Variants in SMAD3 observed in about 807,000 individuals in gnomAD.
SMAD3 encodes the protein MAD homolog 3.
A neutral mutation model predicts 51.8 loss-of-function variants in SMAD3; 12 were observed. The ratio of observed to expected loss-of-function variants is 0.23; its 90% CI spans 0.15 to 0.38. SMAD3 has a LOEUF of 0.38. Ranked by LOEUF, SMAD3 falls within the 10% of genes least tolerant of loss-of-function variation. The pLI, the probability that SMAD3 is intolerant of heterozygous loss-of-function variation, is 1.00. For missense variants in SMAD3, 294 were observed against 565.6 expected (o/e 0.52, Z 4.87); for synonymous variants, 238 against 227.7 (o/e 1.05, Z -0.41).
intron 4 of SMAD3, among the ~76,000 whole-genome samples, 173 bp from the exon 5 acceptor site, chr15:67,170,381 G>A (rs192946469): frequency 2.0e-4 from 30 of 152,310 alleles, no homozygotes; most frequent in African/African-American, 7.0e-4. Flanking sequence ...TTGGGGCCCA[G>A]GGAGGGAAAG....
At chr15:67,113,873 G>C (rs1404138850) in intron 1 of SMAD3, among the ~76,000 whole-genome samples, 1 of 152,198 alleles carries the variant, frequency 6.6e-6, no homozygotes, top group Non-Finnish European at 1.5e-5. Context: ...TCTCCCTGTA[G>C]TGCTTAGGAC....
chr15:67,107,385 C>T (rs976359728), intron 1 of SMAD3, among the ~76,000 whole-genome samples: 3 of 152,106 alleles, frequency 2.0e-5, no homozygotes, highest in Non-Finnish European at 2.9e-5. Flanking sequence ...CACATAAGCA[C>T]CCCACCCTTC....
chr15:67,087,417 G>A (rs1443478647), intron 1 of SMAD3, among the ~76,000 whole-genome samples: 1 of 152,136 alleles, frequency 6.6e-6, no homozygotes, highest in Non-Finnish European at 1.5e-5. Flanking sequence ...GTTTCAGTTG[G>A]AAACTCTTTT....
intron 6 of SMAD3, among the ~76,000 whole-genome samples, chr15:67,184,459 G>C (rs1963166627): frequency 6.6e-6 from 1 of 152,146 alleles, no homozygotes; most frequent in South Asian, 2.1e-4. Context: ...TAACTTGACT[G>C]AGGCCCATGC....
chr15:67,113,361 A>G (rs2140236613), intron 1 of SMAD3, among the ~76,000 whole-genome samples: 1 of 151,958 alleles, frequency 6.6e-6, no homozygotes, highest in African/African-American at 2.4e-5. Flanking sequence ...AAGTGCTGGG[A>G]TTACAGGCAT....
At chr15:67,181,145 C>T (rs1376386076) in intron 5 of SMAD3, 96 bp from the exon 6 acceptor site, 9 of 916,222 alleles carry the variant, frequency 9.8e-6, no homozygotes, top group African/African-American at 4.9e-5. Context: ...CTCTGAAATG[C>T]GGGGAAATGG....
chr15:67,166,192 G>A (rs1009530488), intron 3 of SMAD3: 13 of 1,012,496 alleles, frequency 1.3e-5, no homozygotes, highest in South Asian at 4.1e-5. Flanking sequence ...GGCGTCCCGC[G>A]GGTAAGTCAA....
At chr15:67,172,685 T>A (rs1962783574) in intron 5 of SMAD3, among the ~76,000 whole-genome samples, 1 of 152,216 alleles carries the variant, frequency 6.6e-6, no homozygotes, top group African/African-American at 2.4e-5. Context: ...GGGGAACACA[T>A]TGGTGAACTC....
In SMAD3 at chr15:67,142,327, T is replaced by G. The variant is rs1961852967; in HGVS notation, c.207-22568T>G. Among the ~76,000 whole-genome samples the G allele has an allele frequency of 2.0e-5, 3 of 151,988 alleles. No individual in the cohort carries two copies. The South Asian group carries it at 6.2e-4, about 32-fold the overall frequency. ...TGTGTGAACATTTACTGTACCTCCA[T>G]GGTTTGCGTGGAATTGTACTAGAAA... On this transcript the variant is annotated intron_variant, in intron 1 of 8. Transcript: ENST00000327367.
chr15:67,129,567 A>G (rs1961472664), intron 1 of SMAD3, among the ~76,000 whole-genome samples: 1 of 152,228 alleles, frequency 6.6e-6, no homozygotes, highest in Non-Finnish European at 1.5e-5. Context: ...GAAAAAACAC[A>G]GTGTCTATAG....
intron 1 of SMAD3, among the ~76,000 whole-genome samples, chr15:67,154,815 T>G (rs1962239898): frequency 6.6e-6 from 1 of 152,156 alleles, no homozygotes; most frequent in African/African-American, 2.4e-5. Context: ...GTCCCTTTTT[T>G]TAAAAAAAAA....
At chr15:67,127,546 T>C (rs1595915735) in intron 1 of SMAD3, among the ~76,000 whole-genome samples, 2 of 152,204 alleles carry the variant, frequency 1.3e-5, no homozygotes, top group Admixed American at 1.3e-4. Context: ...TCATCCTCTC[T>C]CCTTCACCCT....
intron 1 of SMAD3, chr15:67,138,251 A>G (rs1961719472): frequency 4.8e-6 from 3 of 621,266 alleles, no homozygotes; most frequent in South Asian, 1.9e-5. Flanking sequence ...TCAGGAAGCA[A>G]CTGTAGGAAA....
At chr15:67,096,640 C>CTT (rs532008867) in intron 1 of SMAD3, among the ~76,000 whole-genome samples, 1 of 144,860 alleles carries the variant, frequency 6.9e-6, no homozygotes, top group African/African-American at 2.5e-5. Context: ...ATGATTGATA[C>CTT]TTTTTTTTTT....
intron 1 of SMAD3, among the ~76,000 whole-genome samples, chr15:67,067,298 C>G (rs1274201800): frequency 6.6e-6 from 1 of 152,196 alleles, no homozygotes. Flanking sequence ...CGGGAGCCCA[C>G]AGATGGCTGA....
At chr15:67,161,795 G>C (rs1962438700) in intron 1 of SMAD3, among the ~76,000 whole-genome samples, 1 of 152,114 alleles carries the variant, frequency 6.6e-6, no homozygotes, top group Non-Finnish European at 1.5e-5. Context: ...AGGAGGTCGG[G>C]GGGCAGAATA....
intron 1 of SMAD3, among the ~76,000 whole-genome samples, chr15:67,074,079 A>G (rs1479317808): frequency 6.6e-6 from 1 of 152,266 alleles, no homozygotes; most frequent in African/African-American, 2.4e-5. Flanking sequence ...CCTGGTGTCA[A>G]TTAATTTACA....
intron 1 of SMAD3, among the ~76,000 whole-genome samples, chr15:67,162,997 G>A (rs1046036940): frequency 2.7e-5 from 4 of 150,194 alleles, no homozygotes; most frequent in African/African-American, 4.9e-5. Flanking sequence ...GATTTGAAAC[G>A]GAGTCTTGCT....
Position 67,190,476 on chromosome 15 carries a change from G to C in SMAD3, c.1218G>C (p.Trp406Cys). ...TGCACCTGAATGGGCCTTTGCAGTG[G>C]CTTGACAAGGTCCTCACCCAGATGG... Reference protein sequence around the residue: ...IELHLNGPLQWLDKVLTQMGS... With the variant: ...IELHLNGPLQCLDKVLTQMGS... Residue 406 changes from tryptophan (W) to cysteine (C), a missense_variant, in exon 9 of 9, where the codon TGG becomes TGC. Coordinates refer to ENST00000327367, the MANE Select transcript of SMAD3 (RefSeq NM_005902.4). The C allele has an allele frequency of 6.2e-7, 1 of 1,614,050 alleles. No homozygotes were observed. Among genetic ancestry groups the C allele is most frequent in the Non-Finnish European group, 8.5e-7 (1 of 1,179,930 alleles).
Sources: gnomAD v4.1 joint callset for allele counts (sites outside exome capture counted in the v4.1 genomes callset) on GRCh38, gnomAD v4.1.1 for gene constraint, MANE v1.5 for transcripts, NCBI Gene and HGNC (gene_info 2026-07-23, HGNC 2026-07-21) for gene names.